The following PI4KA variants were observed in gnomAD, a reference collection of about 807,000 sequenced individuals.
PI4KA encodes the protein PI4-kinase alpha.
A neutral mutation model predicts 271.4 loss-of-function variants in PI4KA; 122 were observed. The ratio of observed to expected loss-of-function variants is 0.45; its 90% CI spans 0.39 to 0.52. The LOEUF is 0.52. Ranked by LOEUF, PI4KA falls within the 20% of genes least tolerant of loss-of-function variation. PI4KA has a pLI of 0.00. For synonymous variants in PI4KA, 1,041 were observed against 1,078.8 expected (o/e 0.96, Z 0.69); for missense variants, 1,969 against 2,769.1 (o/e 0.71, Z 6.48).
rs562364444 is a variant in PI4KA at position 20,830,345 on chromosome 22, C to T, written c.367+4217G>A. 3.7e-4 allele frequency among the ~76,000 whole-genome samples: 42 copies of T among 114,350 alleles called. No homozygotes were observed. The East Asian group carries it at 9.9e-3, about 27-fold the overall frequency. The allele number at this position is 114,350 out of a possible 152,430, so 75.0% of individuals were successfully genotyped here. ...TGTTCGATATGTATAAATTTGCTCC[C>T]GTGTTGGATATAGTCAAATCTTGCT... On this transcript the variant is annotated intron_variant, in intron 3 of 54. Coordinates refer to ENST00000255882, the MANE Select transcript of PI4KA (RefSeq NM_058004.4).
intron 6 of PI4KA, among the ~76,000 whole-genome samples, 195 bp downstream of exon 6, chr22:20,819,446 T>A (rs1922303690): frequency 6.6e-6 from 1 of 152,058 alleles, no homozygotes. Flanking sequence ...TATGGCCAGT[T>A]TATATGTGCA....
In PI4KA at chr22:20,729,929, G is replaced by A; in HGVS notation, c.4371C>T (p.Pro1457=). The part of the protein sequence containing the change: ...QATQGWINTY[P]LSSGMSTISK... ...AGATGGTGGACATGCCGCTGGACAG[G>A]GGGTATGTGTTGATCCAGCCTTGGG... The change falls in exon 37 of 55, where the codon CCC becomes CCT. Residue 1457 remains proline (P), a synonymous_variant. Transcript: ENST00000255882. The A allele has an allele frequency of 1.2e-6, 2 of 1,614,186 alleles. No homozygotes were observed. Among genetic ancestry groups the A allele is most frequent in the Non-Finnish European group, 8.5e-7 (1 of 1,180,022 alleles).
chr22:20,834,439 G>A, intron 3 of PI4KA, 123 bp downstream of exon 3: 2 of 711,884 alleles, frequency 2.8e-6, no homozygotes, highest in South Asian at 3.4e-5. Flanking sequence ...GCAGGCAGTT[G>A]TTTCCCAGCC....
intron 29 of PI4KA, among the ~76,000 whole-genome samples, chr22:20,745,427 T>A (rs1929942290): frequency 6.6e-6 from 1 of 152,112 alleles, no homozygotes; most frequent in Non-Finnish European, 1.5e-5. Flanking sequence ...CCCTTTAGCA[T>A]CAGTACTAAT....
chr22:20,712,626 C>G lies in PI4KA; in HGVS notation c.5677-15G>C. 3 of 1,576,080 alleles carry G rather than the reference C, an allele frequency of 1.9e-6. No homozygotes were observed. The highest frequency in any genetic ancestry group is 1.7e-6 in the Non-Finnish European group (2 of 1,159,754). On this transcript the variant is annotated splice_polypyrimidine_tract_variant and intron_variant, in intron 49 of 54. Coordinates refer to ENST00000255882, the MANE Select transcript of PI4KA (RefSeq NM_058004.4). Reference sequence around the variant, plus strand: ...ATCACCCCGCACTAGGAGGAAAGGCCAGTTCTGAGGCCCGCTGGGTGCGAG... The same window carrying G: ...ATCACCCCGCACTAGGAGGAAAGGCGAGTTCTGAGGCCCGCTGGGTGCGAG...
chr22:20,763,463 G>A (rs533127877), intron 22 of PI4KA, among the ~76,000 whole-genome samples: 28 of 137,578 alleles, frequency 2.0e-4, no homozygotes, highest in African/African-American at 6.0e-4. Flanking sequence ...TTTTTGAGAC[G>A]GAGTCTCGCT....
chr22:20,709,469 T>A, intron 53 of PI4KA, 90 bp from the exon 54 acceptor site: 1 of 766,860 alleles, frequency 1.3e-6, no homozygotes, highest in East Asian at 2.7e-5. Flanking sequence ...GGGGACGGAC[T>A]TCAGCTGAGA....
At chr22:20,813,597 C>T (rs1484916553) in intron 7 of PI4KA, 91 bp from the exon 8 acceptor site, 1 of 1,147,678 alleles carries the variant, frequency 8.7e-7, no homozygotes, top group African/African-American at 1.6e-5. Context: ...AACAAAGGTG[C>T]AGATTTTGCC....
intron 1 of PI4KA, among the ~76,000 whole-genome samples, chr22:20,850,594 C>T (rs762661810): frequency 1.1e-4 from 16 of 151,838 alleles, no homozygotes; most frequent in Non-Finnish European, 2.2e-4. Context: ...CAGGCCACCA[C>T]GCCCAGCTAA....
chr22:20,727,494 A>G, intron 40 of PI4KA, 97 bp from the exon 41 acceptor site: 1 of 1,187,950 alleles, frequency 8.4e-7, no homozygotes, highest in Non-Finnish European at 1.2e-6. Flanking sequence ...ATGAGAAGTG[A>G]TGTTTCTAAG....
At chr22:20,727,037 AC>A (rs1047111282) in intron 41 of PI4KA, among the ~76,000 whole-genome samples, 192 bp downstream of exon 41, 2 of 152,126 alleles carry the variant, frequency 1.3e-5, no homozygotes, top group African/African-American at 4.8e-5. Flanking sequence ...AGATTAAAAA[AC>A]AAATGTAACT....
chr22:20,781,633 A>G (rs1411824144), intron 19 of PI4KA, among the ~76,000 whole-genome samples: 1 of 152,196 alleles, frequency 6.6e-6, no homozygotes, highest in Non-Finnish European at 1.5e-5. Flanking sequence ...CCAGGTTTCC[A>G]CCCCAAGGCA....
chr22:20,790,431 C>A (rs1934554094), intron 19 of PI4KA, among the ~76,000 whole-genome samples: 1 of 152,104 alleles, frequency 6.6e-6, no homozygotes, highest in Non-Finnish European at 1.5e-5. Flanking sequence ...GAGGCTGAGG[C>A]AGGTGGATCA....
chr22:20,744,697 C>T lies in PI4KA; in HGVS notation c.3387G>A (p.Pro1129=). 6.2e-7 allele frequency: 1 copy of T among 1,614,106 alleles called. No homozygotes were observed. The highest frequency in any genetic ancestry group is 8.5e-7 in the Non-Finnish European group (1 of 1,179,974). ...TLGATQLSER[P]ACVKKDYSNF... ...TGGAGTAGTCTTTCTTCACACAGGC[C>T]GGGCGCTCGCTCAGCTGAGTTGCCT... The change falls in exon 30 of 55, where the codon CCG becomes CCA. Residue 1129 remains proline, a synonymous_variant. Transcript: ENST00000255882.
chr22:20,819,802 G>C lies in PI4KA; in HGVS notation c.628C>G (p.Pro210Ala), dbSNP rs765517306. ...MEESLLSKLFPKIPPHSLRVL... is the reference protein window; with the variant it reads ...MEESLLSKLFAKIPPHSLRVL... ...CGGAGGGAATGAGGAGGGATTTTGG[G>C]AAAGAGCTTTGAGAGGAGAGACTCT... Residue 210 changes from proline (P) to alanine (A), a missense_variant, in exon 6 of 55, where the codon CCC becomes GCC. Around this residue, in one of 13 missense-constraint regions of PI4KA, gnomAD observed 540 missense variants for 555.5 expected, o/e 0.97. Transcript: ENST00000255882. 6.2e-7 allele frequency: 1 copy of C among 1,614,054 alleles called. No individual in the cohort carries two copies. The highest frequency in any genetic ancestry group is 8.5e-7 in the Non-Finnish European group (1 of 1,179,998).
chr22:20,764,952 T>C lies in PI4KA; in HGVS notation c.2575-2A>G. 6.2e-7 allele frequency: 1 copy of C among 1,602,436 alleles called. No homozygotes were observed. Among genetic ancestry groups the C allele is most frequent in the Non-Finnish European group, 8.5e-7 (1 of 1,171,290 alleles). On this transcript the variant is annotated splice_acceptor_variant, in intron 21 of 54. Transcript: ENST00000255882. LOFTEE classifies it high-confidence loss of function. ...GCTGCGGAGCTCACTCAGCTCAGCC[T>C]GGAGGGAGAGAAACATCCGAGGGCT...
At chr22:20,759,784 CT>C (rs1210172328) in intron 23 of PI4KA, among the ~76,000 whole-genome samples, 1 of 152,190 alleles carries the variant, frequency 6.6e-6, no homozygotes, top group East Asian at 1.9e-4. Context: ...CCAGGACGGT[CT>C]TGATCTCCTG....
At chr22:20,710,405 G>A (rs1182490305) in intron 52 of PI4KA, 2 of 548,850 alleles carry the variant, frequency 3.6e-6, no homozygotes, top group Non-Finnish European at 3.3e-6. Flanking sequence ...TAGCCTGTGG[G>A]GTGGCAGGTG....
At position 20,803,558 on chromosome 22, in the gene PI4KA, G is replaced by A. The variant is rs542405046; in HGVS notation, c.1462-238C>T. ...TGTTTTGTTTTTGAGACAGGGTCTC[G>A]CTGTCGCCCAGGCTGGAGTGCAGTG... On this transcript the variant is annotated intron_variant, in intron 12 of 54. Coordinates refer to ENST00000255882, the MANE Select transcript of PI4KA (RefSeq NM_058004.4). 7.2e-5 allele frequency among the ~76,000 whole-genome samples: 11 copies of A among 152,226 alleles called. No individual in the cohort carries two copies. In the East Asian group the frequency reaches 1.7e-3, roughly 24 times the overall value.
Sources: gnomAD v4.1 joint callset for allele counts (sites outside exome capture counted in the v4.1 genomes callset) on GRCh38, gnomAD v4.1.1 for gene constraint, gnomAD v4.1.1 regional missense constraint, MANE v1.5 for transcripts, NCBI Gene and HGNC (gene_info 2026-07-23, HGNC 2026-07-21) for gene names.